Variants in CNTNAP5 observed in about 807,000 individuals in gnomAD.
CNTNAP5 encodes the protein contactin associated protein family member 5.
A neutral mutation model predicts 150.2 loss-of-function variants in CNTNAP5; 72 were observed. The observed-to-expected ratio is 0.48, with a 90% CI of 0.40 to 0.58. The LOEUF is 0.58. Ranked by LOEUF, CNTNAP5 falls within the 20% of genes least tolerant of loss-of-function variation. The probability of loss-of-function intolerance (pLI) is 0.00; values close to 1 mark genes in which losing one functional copy is unlikely to be tolerated. For synonymous variants in CNTNAP5, 672 were observed against 619.8 expected (o/e 1.08, Z -1.25); for missense variants, 1,636 against 1,626.2 (o/e 1.01, Z -0.10).
At chr2:124,684,237 T>G (rs574714059) in intron 13 of CNTNAP5, among the ~76,000 whole-genome samples, 2 of 152,278 alleles carry the variant, frequency 1.3e-5, no homozygotes, top group Admixed American at 1.3e-4. Flanking sequence ...AGCGGAGTGC[T>G]GTTAACATGC....
chr2:124,489,608 CA>C (rs1331300066), intron 7 of CNTNAP5, among the ~76,000 whole-genome samples: 2 of 152,174 alleles, frequency 1.3e-5, no homozygotes, highest in African/African-American at 4.8e-5. Context: ...CTTGTGTGAG[CA>C]GTCTTTAAGA....
chr2:124,771,918 C>A (rs1313424607), intron 16 of CNTNAP5, among the ~76,000 whole-genome samples: 1 of 151,710 alleles, frequency 6.6e-6, no homozygotes, highest in African/African-American at 2.4e-5. Context: ...TCACCATTAC[C>A]CCCCTCACCA....
chr2:124,118,393 T>C (rs986574673), intron 1 of CNTNAP5, among the ~76,000 whole-genome samples: 19 of 152,192 alleles, frequency 1.2e-4, no homozygotes, highest in African/African-American at 4.6e-4. Context: ...TTCTCAGACC[T>C]GTCCCTTTCA....
chr2:124,411,290 A>G (rs1256936184), intron 3 of CNTNAP5, among the ~76,000 whole-genome samples: 1 of 152,196 alleles, frequency 6.6e-6, no homozygotes, highest in African/African-American at 2.4e-5. Context: ...GCCAAATTCT[A>G]TCAGAGGTAC....
intron 3 of CNTNAP5, among the ~76,000 whole-genome samples, chr2:124,266,970 A>ATT (rs70996057): frequency 0.14 from 20,506 of 148,676 alleles, 1,867 homozygotes; most frequent in East Asian, 0.33. Flanking sequence ...TAGATGAGAG[A>ATT]TTTTTTTTTT....
At chr2:124,187,676 C>G (rs533648675) in intron 1 of CNTNAP5, among the ~76,000 whole-genome samples, 1 of 152,298 alleles carries the variant, frequency 6.6e-6, no homozygotes, top group African/African-American at 2.4e-5. Context: ...GGTTCATATA[C>G]TTTTACATCC....
intron 1 of CNTNAP5, among the ~76,000 whole-genome samples, chr2:124,106,961 A>C (rs148418005): frequency 2.6e-5 from 4 of 152,188 alleles, no homozygotes; most frequent in South Asian, 2.1e-4. Context: ...GGGAAAAAAA[A>C]CCCAGACATT....
intron 10 of CNTNAP5, among the ~76,000 whole-genome samples, chr2:124,538,984 T>C (rs531898790): frequency 1.4e-4 from 21 of 152,334 alleles, no homozygotes; most frequent in African/African-American, 4.8e-4. Flanking sequence ...TTTCCTCATT[T>C]ACATTGATGT....
At chr2:124,858,363 GATACAAA>G (rs1677430121) in intron 19 of CNTNAP5, among the ~76,000 whole-genome samples, 1 of 152,128 alleles carries the variant, frequency 6.6e-6, no homozygotes, top group Admixed American at 6.6e-5. Flanking sequence ...AAAGTCTCAG[GATACAAA>G]ATCAATGTGC....
chr2:124,655,945 G>GAA (rs1553427799), intron 13 of CNTNAP5, among the ~76,000 whole-genome samples: 1,195 of 55,456 alleles, frequency 0.022, 15 homozygotes, highest in Middle Eastern at 0.048. Flanking sequence ...GAGAGAGAGA[G>GAA]AGAAAGAAAG....
intron 13 of CNTNAP5, among the ~76,000 whole-genome samples, chr2:124,720,750 A>G (rs900562582): frequency 2.6e-5 from 4 of 152,334 alleles, no homozygotes; most frequent in Admixed American, 2.6e-4. Context: ...TAGCAAAGAC[A>G]GTTGTACTTT....
intron 3 of CNTNAP5, among the ~76,000 whole-genome samples, chr2:124,279,603 T>C (rs1021943439): frequency 4.9e-4 from 75 of 152,146 alleles, no homozygotes; most frequent in African/African-American, 1.8e-3. Context: ...TAAGTAAAGT[T>C]AGTTTTACTT....
intron 11 of CNTNAP5, among the ~76,000 whole-genome samples, chr2:124,601,902 GTT>G (rs767138334): frequency 9.6e-4 from 146 of 152,336 alleles, no homozygotes; most frequent in Non-Finnish European, 1.6e-3. Context: ...AAAAAGGCCA[GTT>G]TTAAAAGGAA....
intron 1 of CNTNAP5, among the ~76,000 whole-genome samples, chr2:124,173,938 A>G (rs79357255): frequency 0.016 from 2,391 of 152,250 alleles, 65 homozygotes; most frequent in African/African-American, 0.055. Context: ...GTGTCTTAAC[A>G]TTGAAACCAA....
intron 4 of CNTNAP5, among the ~76,000 whole-genome samples, chr2:124,426,514 G>A (rs1692241823): frequency 1.3e-5 from 2 of 152,144 alleles, no homozygotes; most frequent in African/African-American, 4.8e-5. Context: ...TAATTGTATT[G>A]AAAATCATGT....
intron 3 of CNTNAP5, among the ~76,000 whole-genome samples, chr2:124,399,145 C>G (rs914637107): frequency 1.3e-5 from 2 of 151,870 alleles, no homozygotes; most frequent in Admixed American, 1.3e-4. Context: ...CTCATTTTCC[C>G]TAGGAAGGGA....
chr2:124,727,106 G>C (rs1336109940), intron 13 of CNTNAP5, among the ~76,000 whole-genome samples: 1 of 152,044 alleles, frequency 6.6e-6, no homozygotes, highest in Admixed American at 6.6e-5. Flanking sequence ...CTTTCACCAT[G>C]TTTTGTCCTT....
At chr2:124,155,336 A>G (rs958300850) in intron 1 of CNTNAP5, among the ~76,000 whole-genome samples, 1 of 151,758 alleles carries the variant, frequency 6.6e-6, no homozygotes, top group African/African-American at 2.4e-5. Context: ...TCCTGTAATC[A>G]TTTTCATTTG....
intron 1 of CNTNAP5, among the ~76,000 whole-genome samples, chr2:124,042,532 A>G (rs1055309278): frequency 2.0e-5 from 3 of 152,178 alleles, no homozygotes; most frequent in Non-Finnish European, 4.4e-5. Context: ...CTGAGGGTAC[A>G]TATCCTGGAC....
Sources: allele counts gnomAD v4.1 joint callset (sites outside exome capture counted in the v4.1 genomes callset), GRCh38; gene constraint gnomAD v4.1.1; transcripts MANE v1.5; gene names NCBI Gene and HGNC (gene_info 2026-07-23, HGNC 2026-07-21).